The following DZIP3 variants were observed in gnomAD, a reference collection of about 807,000 sequenced individuals.
The protein encoded by DZIP3 is DAZ interacting zinc finger protein 3, also known as E3 ubiquitin-protein ligase DZIP3.
A neutral mutation model predicts 162.0 loss-of-function variants in DZIP3; 118 were observed. That is an observed-to-expected ratio of 0.73 (90% CI 0.63 to 0.85). DZIP3 has a LOEUF of 0.85. DZIP3 is among the 40% of genes least tolerant of loss of function. The pLI, the probability that DZIP3 is intolerant of heterozygous loss-of-function variation, is 0.00. For missense variants in DZIP3, 1,331 were observed against 1,407.0 expected (o/e 0.95, Z 0.86); for synonymous variants, 438 against 458.6 (o/e 0.96, Z 0.57).
chr3:108,642,651 A>G (rs1942453760), intron 13 of DZIP3, 137 bp downstream of exon 13: 1 of 949,384 alleles, frequency 1.1e-6, no homozygotes, highest in Admixed American at 3.7e-5. Flanking sequence ...ACCAGCAAGC[A>G]GCGCTTGGTG....
In DZIP3 at chr3:108,689,105, T is replaced by C. The variant is rs576669772; in HGVS notation, c.3516+181T>C. On this transcript the variant is annotated intron_variant, in intron 31 of 32. Transcript: ENST00000361582. ...CCATACATAGCCATGGATTGCATTG[T>C]GCTCTCTCAGATCTCCATCCACCCT... Among the ~76,000 whole-genome samples the C allele has an allele frequency of 2.0e-5, 3 of 152,300 alleles. No individual in the cohort carries two copies. In the South Asian group the frequency reaches 6.2e-4, roughly 32 times the overall value.
intron 26 of DZIP3, among the ~76,000 whole-genome samples, chr3:108,683,955 C>T (rs1175260828): frequency 1.3e-5 from 2 of 152,118 alleles, no homozygotes; most frequent in African/African-American, 2.4e-5. Context: ...TATTCAGCTA[C>T]GTAGAGAGAA....
intron 24 of DZIP3, among the ~76,000 whole-genome samples, chr3:108,674,642 A>G (rs997993860): frequency 6.6e-6 from 1 of 151,940 alleles, no homozygotes; most frequent in African/African-American, 2.4e-5. Flanking sequence ...ACACCTACAG[A>G]ATATGTTGAG....
rs188197372 is a variant in DZIP3, at chr3:108,662,667, G to A, written c.2423+410G>A. Among the ~76,000 whole-genome samples the A allele has an allele frequency of 3.5e-3, 529 of 152,238 alleles. 3 individuals carry two copies. The highest frequency in any genetic ancestry group is 0.02 in the Middle Eastern group (6 of 294). On this transcript the variant is annotated intron_variant, in intron 21 of 32. Transcript: ENST00000361582. Reference sequence around the variant, plus strand: ...TCTTTCATTTGTGTTCTAAGCCTGCGAGATTGAAAACAAATCTTTTTGTTT... The same window carrying A: ...TCTTTCATTTGTGTTCTAAGCCTGCAAGATTGAAAACAAATCTTTTTGTTT...
intron 10 of DZIP3, 135 bp from the exon 11 acceptor site, chr3:108,636,481 C>T (rs1942152034): frequency 1.9e-6 from 1 of 518,858 alleles, no homozygotes; most frequent in Admixed American, 4.0e-5. Context: ...CTTTTAACAG[C>T]TACATGTCAA....
chr3:108,606,851 G>T (rs1940405553), intron 2 of DZIP3, among the ~76,000 whole-genome samples: 1 of 152,236 alleles, frequency 6.6e-6, no homozygotes, highest in Admixed American at 6.5e-5. Flanking sequence ...TAGGTTTTGG[G>T]CATCTGGATG....
chr3:108,688,072 G>A lies in DZIP3; in HGVS notation c.3246G>A (p.Gln1082=). Residue 1082 remains glutamine (Q), a synonymous_variant, in exon 29 of 33, where the codon CAG becomes CAA. Transcript: ENST00000361582. ...ATGAAATTGTTTGCAAGATTTCCCAGTTTATTGACCCCAAAAAGTCTCAGG... is the reference window on the plus strand; with the variant it reads ...ATGAAATTGTTTGCAAGATTTCCCAATTTATTGACCCCAAAAAGTCTCAGG... ...TFDEIVCKIS[Q]FIDPKKSQSQ... is the part of the protein sequence containing the mutation. The A allele has an allele frequency of 6.2e-7, 1 of 1,613,548 alleles. No homozygotes were observed. The highest frequency in any genetic ancestry group is 2.2e-5 in the East Asian group (1 of 44,758).
chr3:108,665,946 C>T (rs28845547), intron 21 of DZIP3, among the ~76,000 whole-genome samples: 2,904 of 152,046 alleles, frequency 0.019, 102 homozygotes, highest in African/African-American at 0.067. Flanking sequence ...TATATCTTAC[C>T]GTTAAAGTAT....
chr3:108,623,670 A>G (rs1941469244), intron 5 of DZIP3, among the ~76,000 whole-genome samples: 1 of 152,178 alleles, frequency 6.6e-6, no homozygotes, highest in Admixed American at 6.5e-5. Flanking sequence ...TGTATACACC[A>G]CAAATCCACT....
Position 108,625,830 on chromosome 3 carries a change from T to G in DZIP3, c.457-15T>G, listed in dbSNP as rs1490272315. On this transcript the variant is annotated splice_polypyrimidine_tract_variant and intron_variant, in intron 6 of 32. Coordinates refer to ENST00000361582, the MANE Select transcript of DZIP3 (RefSeq NM_014648.4). ...GACTTTTACAGTAGCCAAACCTAGTTTTATGTTACTACAGGATTATACAGA... is the reference window on the plus strand; with the variant it reads ...GACTTTTACAGTAGCCAAACCTAGTGTTATGTTACTACAGGATTATACAGA... 19 of 1,570,130 alleles carry G rather than the reference T, an allele frequency of 1.2e-5. No homozygotes were observed. The highest frequency in any genetic ancestry group is 1.5e-5 in the Non-Finnish European group (18 of 1,162,718).
chr3:108,662,185 A>G lies in DZIP3; in HGVS notation c.2351A>G (p.Gln784Arg). 6.2e-7 allele frequency: 1 copy of G among 1,609,974 alleles called. No homozygotes were observed. The highest frequency in any genetic ancestry group is 8.5e-7 in the Non-Finnish European group (1 of 1,178,950). Residue 784 changes from glutamine (Q) to arginine (R), a missense_variant, in exon 21 of 33, where the codon CAG becomes CGG. By Grantham distance (43) the Gln-to-Arg change is conservative (BLOSUM62 1). Coordinates refer to ENST00000361582, the MANE Select transcript of DZIP3 (RefSeq NM_014648.4). ...TTTCGGTGGCAAGAAAACCAAATGC[A>G]GATTAAAAAGAAAGACAAAATTATC... is the stretch of plus-strand genomic sequence containing the variant. The part of the protein sequence containing the change: ...VTFRWQENQM[Q>R]IKKKDKIIAS...
intron 26 of DZIP3, among the ~76,000 whole-genome samples, chr3:108,683,949 C>T (rs1405608903): frequency 6.6e-6 from 1 of 152,160 alleles, no homozygotes; most frequent in East Asian, 1.9e-4. Context: ...CAAGGTTATT[C>T]AGCTACGTAG....
At chr3:108,596,535 G>T (rs1939723656) in intron 1 of DZIP3, among the ~76,000 whole-genome samples, 1 of 152,168 alleles carries the variant, frequency 6.6e-6, no homozygotes, top group African/African-American at 2.4e-5. Flanking sequence ...GAAGACACAG[G>T]TTCTGTCTTG....
At chr3:108,625,346 A>T (rs1323197295) in intron 6 of DZIP3, among the ~76,000 whole-genome samples, 1 of 152,194 alleles carries the variant, frequency 6.6e-6, no homozygotes, top group Admixed American at 6.5e-5. Context: ...TGCTCCCATT[A>T]GGAAGAATGA....
intron 7 of DZIP3, among the ~76,000 whole-genome samples, chr3:108,628,420 A>G (rs944739968): frequency 6.6e-6 from 1 of 152,116 alleles, no homozygotes; most frequent in African/African-American, 2.4e-5. Flanking sequence ...ATTTTAGTGT[A>G]GTTCTGTTGA....
intron 21 of DZIP3, among the ~76,000 whole-genome samples, chr3:108,662,679 A>G (rs2107304957): frequency 6.6e-6 from 1 of 152,270 alleles, no homozygotes. Context: ...GATTGAAAAC[A>G]AATCTTTTTG....
intron 19 of DZIP3, among the ~76,000 whole-genome samples, chr3:108,657,265 G>T (rs1943176248): frequency 6.6e-6 from 1 of 152,170 alleles, no homozygotes; most frequent in African/African-American, 2.4e-5. Context: ...ACAAAGGGAA[G>T]CCCATCAGAC....
At chr3:108,673,086 C>T (rs1943981988) in intron 23 of DZIP3, among the ~76,000 whole-genome samples, 1 of 151,942 alleles carries the variant, frequency 6.6e-6, no homozygotes, top group African/African-American at 2.4e-5. Context: ...TTCAGACTGC[C>T]AGCTTTTTCT....
chr3:108,648,885 T>G (rs1458911560), intron 16 of DZIP3, 33 bp from the exon 17 acceptor site: 2 of 1,088,366 alleles, frequency 1.8e-6, no homozygotes, highest in African/African-American at 1.7e-5. Context: ...CAATTTGAAT[T>G]ACATATTTAA....
Sources: gnomAD v4.1 joint callset for allele counts (sites outside exome capture counted in the v4.1 genomes callset) on GRCh38, gnomAD v4.1.1 for gene constraint, MANE v1.5 for transcripts, NCBI Gene and HGNC (gene_info 2026-07-23, HGNC 2026-07-21) for gene names.